Variants in PLXNA4 observed in about 807,000 individuals in gnomAD.
The protein encoded by PLXNA4 is plexin-A4.
In PLXNA4, 44 loss-of-function variants were observed where a neutral mutation model predicts 191.8. The ratio of observed to expected loss-of-function variants is 0.23; its 90% CI spans 0.18 to 0.29. The LOEUF is 0.29. Among genes scored for constraint, PLXNA4 ranks in the 10% least tolerant of loss-of-function variants. The pLI, the probability that PLXNA4 is intolerant of heterozygous loss-of-function variation, is 1.00. For missense variants in PLXNA4, 1,800 were observed against 2,488.8 expected, an observed-to-expected ratio of 0.72 and a Z score of 5.89; for synonymous variants, 1,082 against 1,009.5, an observed-to-expected ratio of 1.07 and a Z score of -1.36.
rs1172853270 is a variant in PLXNA4, at chr7:132,132,442, G to A, written c.5589+607C>T. ...GTTCTGTTCTGTTCTGTTCTGTTCT[G>A]TTCTGTTCTGTTCTGTTCTGTTCTG... On this transcript the variant is annotated intron_variant, in intron 31 of 31. Transcript: ENST00000321063. Among the ~76,000 whole-genome samples, 87 of 61,742 alleles carry A rather than the reference G, an allele frequency of 1.4e-3. 1 individual carries two copies. The highest frequency in any genetic ancestry group is 5.2e-3 in the Admixed American group (22 of 4,264). 40.5% of individuals were successfully genotyped at this position (61,742 alleles called of 152,430 possible). A position where few individuals can be genotyped will look rare whatever the true frequency, so the allele number is the denominator to read the frequency against.
At chr7:132,393,183 C>T (rs1465730580) in intron 3 of PLXNA4, among the ~76,000 whole-genome samples, 1 of 147,870 alleles carries the variant, frequency 6.8e-6, no homozygotes, top group African/African-American at 2.6e-5. Context: ...CAACATTGAC[C>T]CCCAACACCC....
intron 3 of PLXNA4, among the ~76,000 whole-genome samples, chr7:132,343,608 G>A (rs1803125415): frequency 6.6e-6 from 1 of 152,204 alleles, no homozygotes; most frequent in Admixed American, 6.5e-5. Context: ...AAGAGAGTAA[G>A]ATTTGGCTTC....
At chr7:132,178,374 G>A (rs1389248776) in intron 20 of PLXNA4, among the ~76,000 whole-genome samples, 1 of 152,106 alleles carries the variant, frequency 6.6e-6, no homozygotes, top group African/African-American at 2.4e-5. Context: ...CTCCCAGTTG[G>A]GGTGCTCGGC....
At chr7:132,377,927 G>A (rs527909419) in intron 3 of PLXNA4, among the ~76,000 whole-genome samples, 10 of 152,202 alleles carry the variant, frequency 6.6e-5, no homozygotes, top group African/African-American at 1.9e-4. Context: ...TGGAGGCCGC[G>A]AGCTGAAACT....
At chr7:132,293,041 G>C (rs144399850) in intron 4 of PLXNA4, among the ~76,000 whole-genome samples, 1 of 152,114 alleles carries the variant, frequency 6.6e-6, no homozygotes, top group Non-Finnish European at 1.5e-5. Flanking sequence ...CAGGGTCCAG[G>C]GTCACAAAAT....
At chr7:132,454,543 GC>G (rs552980008) in intron 3 of PLXNA4, among the ~76,000 whole-genome samples, 2 of 151,716 alleles carry the variant, frequency 1.3e-5, no homozygotes, top group Non-Finnish European at 2.9e-5. Flanking sequence ...GCTGAAGTGC[GC>G]CCCCCCAACC....
chr7:132,359,066 T>C (rs1368332359), intron 3 of PLXNA4, among the ~76,000 whole-genome samples: 1 of 152,204 alleles, frequency 6.6e-6, no homozygotes, highest in Non-Finnish European at 1.5e-5. Context: ...GAGAAAGCCA[T>C]TCGACCTTCC....
intron 5 of PLXNA4, among the ~76,000 whole-genome samples, chr7:132,230,246 G>C (rs1798479352): frequency 6.6e-6 from 1 of 152,184 alleles, no homozygotes; most frequent in African/African-American, 2.4e-5. Flanking sequence ...GCGGCCTGTA[G>C]AGCCTACGGA....
At chr7:132,554,084 C>G (rs527388850) in intron 1 of PLXNA4, among the ~76,000 whole-genome samples, 1 of 152,152 alleles carries the variant, frequency 6.6e-6, no homozygotes, top group African/African-American at 2.4e-5. Flanking sequence ...CCAAGGATAC[C>G]CATTTGGAGA....
chr7:132,585,589 G>A (rs1802492598), intron 2 of PLXNA4, among the ~76,000 whole-genome samples: 8 of 152,114 alleles, frequency 5.3e-5, no homozygotes, highest in Admixed American at 5.2e-4. Context: ...AATCATTTGG[G>A]GCTGCTGTTA....
intron 3 of PLXNA4, among the ~76,000 whole-genome samples, chr7:132,442,092 C>T (rs962560192): frequency 6.6e-6 from 1 of 152,200 alleles, no homozygotes; most frequent in African/African-American, 2.4e-5. Flanking sequence ...CTGGGAGGAG[C>T]CCCAAGCCCT....
At chr7:132,555,045 G>GAAAAAAAAAAAAAAAAAAAAAAAAAAA (rs1554467852) in intron 1 of PLXNA4, among the ~76,000 whole-genome samples, 2 of 111,940 alleles carry the variant, frequency 1.8e-5, no homozygotes, top group African/African-American at 7.5e-5. Flanking sequence ...AAACCTGAAG[G>GAAAAAAAAAAAAAAAAAAAAAAAAAAA]AAAAAAAAAA....
intron 3 of PLXNA4, among the ~76,000 whole-genome samples, chr7:132,316,268 C>A (rs907814195): frequency 6.6e-6 from 1 of 152,188 alleles, no homozygotes; most frequent in African/African-American, 2.4e-5. Context: ...CAGTTCTCTT[C>A]TAGTCAACTT....
chr7:132,385,314 T>C (rs1214290301), intron 3 of PLXNA4: 1 of 1,603,260 alleles, frequency 6.2e-7, no homozygotes, highest in Non-Finnish European at 8.5e-7. Flanking sequence ...GATGAAACCT[T>C]AGCAGACTTA....
intron 2 of PLXNA4, among the ~76,000 whole-genome samples, chr7:132,493,812 T>C (rs566361429): frequency 6.6e-6 from 1 of 151,784 alleles, no homozygotes. Context: ...GACAGATAGA[T>C]AAATAAAAGC....
chr7:132,383,778 CA>C (rs1804998532), intron 3 of PLXNA4: 1 of 985,110 alleles, frequency 1.0e-6, no homozygotes, highest in Non-Finnish European at 1.2e-6. Flanking sequence ...AAAAAATTGT[CA>C]CCAGTTCAAA....
At chr7:132,518,957 C>T (rs923400725) in intron 1 of PLXNA4, among the ~76,000 whole-genome samples, 1 of 152,122 alleles carries the variant, frequency 6.6e-6, no homozygotes, top group African/African-American at 2.4e-5. Flanking sequence ...GAGCTCCAGC[C>T]GAGGCCCAGG....
intron 3 of PLXNA4, among the ~76,000 whole-genome samples, chr7:132,476,456 C>A (rs1004499731): frequency 6.6e-6 from 1 of 152,214 alleles, no homozygotes; most frequent in South Asian, 2.1e-4. Flanking sequence ...TTTTTCAATG[C>A]AATCTGCAGG....
chr7:132,421,459 C>T lies in PLXNA4; in HGVS notation c.1371+67833G>A, dbSNP rs113256798. 6.1e-3 allele frequency among the ~76,000 whole-genome samples: 925 copies of T among 152,274 alleles called. 5 individuals are homozygous for T. Among genetic ancestry groups the T allele is most frequent in the Non-Finnish European group, 7.8e-3 (531 of 68,032 alleles). Reference sequence around the variant, plus strand: ...CATCACTCTGCCCCTAGAAAATTCCCCCGTTCTGCTCACCCTCTCTGTCTT... The same window carrying T: ...CATCACTCTGCCCCTAGAAAATTCCTCCGTTCTGCTCACCCTCTCTGTCTT... On this transcript the variant is annotated intron_variant, in intron 3 of 31. Transcript: ENST00000321063.
Sources: allele counts gnomAD v4.1 joint callset (sites outside exome capture counted in the v4.1 genomes callset), GRCh38; gene constraint gnomAD v4.1.1; transcripts MANE v1.5; gene names NCBI Gene and HGNC (gene_info 2026-07-23, HGNC 2026-07-21).